The following CALN1 variants were observed in gnomAD, a reference collection of about 807,000 sequenced individuals.
CALN1 encodes the protein calneuron 1, also known as calcium-binding protein 8.
CALN1 carries 17 observed loss-of-function variants against 30.6 expected under a neutral mutation model. The observed-to-expected ratio is 0.56, with a 90% confidence interval of 0.38 to 0.83. CALN1 has a LOEUF of 0.83. Among genes scored for constraint, CALN1 ranks in the 40% least tolerant of loss-of-function variants. The probability of loss-of-function intolerance (pLI) is 0.00; values close to 1 mark genes in which losing one functional copy is unlikely to be tolerated. For missense variants in CALN1, 291 were observed against 354.9 expected, an observed-to-expected ratio of 0.82 and a Z score of 1.45; for synonymous variants, 156 against 131.4, an observed-to-expected ratio of 1.19 and a Z score of -1.28.
chr7:72,157,473 G>A (rs865862279), intron 3 of CALN1, among the ~76,000 whole-genome samples: 7 of 152,120 alleles, frequency 4.6e-5, no homozygotes, highest in South Asian at 2.1e-4. Flanking sequence ...AGAAAGGTCC[G>A]GAAAGTTTCC....
At chr7:71,980,194 T>G (rs925298929) in intron 5 of CALN1, among the ~76,000 whole-genome samples, 2 of 148,802 alleles carry the variant, frequency 1.3e-5, no homozygotes, top group Non-Finnish European at 3.0e-5. Flanking sequence ...TTTCTTTTTT[T>G]TTTTTTTTTT....
intron 5 of CALN1, among the ~76,000 whole-genome samples, chr7:71,859,070 T>C (rs1389787579): frequency 6.6e-6 from 1 of 152,150 alleles, no homozygotes; most frequent in African/African-American, 2.4e-5. Context: ...TATGTTTGTT[T>C]GTTTGTTTTT....
the CALN1 span, among the ~76,000 whole-genome samples, chr7:72,478,398 TA>T: frequency 6.2e-5 from 9 of 144,484 alleles, no homozygotes; most frequent in Admixed American, 4.1e-4. Context: ...TAGAAATATA[TA>T]TATATTTTTT....
At chr7:72,056,651 C>G (rs1355022990) in intron 4 of CALN1, among the ~76,000 whole-genome samples, 2 of 152,124 alleles carry the variant, frequency 1.3e-5, no homozygotes, top group Non-Finnish European at 2.9e-5. Flanking sequence ...TGCTAACATA[C>G]TCTGCATGTT....
intron 3 of CALN1, among the ~76,000 whole-genome samples, chr7:72,200,520 T>G (rs1791343787): frequency 2.6e-5 from 4 of 152,130 alleles, no homozygotes. Context: ...ACTGTGTGGA[T>G]GAACAAACTG....
intron 4 of CALN1, among the ~76,000 whole-genome samples, chr7:72,062,650 G>A (rs1803747103): frequency 6.6e-6 from 1 of 151,944 alleles, no homozygotes; most frequent in Non-Finnish European, 1.5e-5. Flanking sequence ...ATGTTCTATG[G>A]TTGAAAACAA....
intron 4 of CALN1, among the ~76,000 whole-genome samples, chr7:72,096,336 ACTC>A (rs1271025944): frequency 5.9e-5 from 9 of 151,718 alleles, no homozygotes; most frequent in South Asian, 2.1e-4. Flanking sequence ...CAAGGGAAAA[ACTC>A]CTCATCATCT....
At chr7:72,204,128 A>G (rs1441265998) in intron 3 of CALN1, among the ~76,000 whole-genome samples, 2 of 150,376 alleles carry the variant, frequency 1.3e-5, no homozygotes, top group African/African-American at 4.9e-5. Flanking sequence ...AGCTGGGACT[A>G]CAGGCACCTG....
Position 72,256,677 on chromosome 7 carries a change from G to A in CALN1, c.244+22009C>T, listed in dbSNP as rs560819327. Among the ~76,000 whole-genome samples, 8 of 151,896 alleles carry A rather than the reference G, an allele frequency of 5.3e-5. No homozygotes were observed. In the East Asian group the frequency reaches 1.4e-3, roughly 26 times the overall value. On this transcript the variant is annotated intron_variant, in intron 3 of 6. Coordinates refer to ENST00000395275, the MANE Select transcript of CALN1 (RefSeq NM_031468.4). ...GCTGGAACACAATGGCACCATCATA[G>A]CTCACTGCAGCCTCAAACTCCTGGG...
At chr7:71,803,940 A>G (rs1382815234) in intron 6 of CALN1, among the ~76,000 whole-genome samples, 2 of 64,172 alleles carry the variant, frequency 3.1e-5, no homozygotes, top group East Asian at 4.9e-4. Flanking sequence ...GTATTTGTGT[A>G]TGTGTGTGCG....
At chr7:72,377,940 T>TA (rs1403571938) in intron 2 of CALN1, among the ~76,000 whole-genome samples, 10 of 152,022 alleles carry the variant, frequency 6.6e-5, no homozygotes, top group African/African-American at 2.4e-4. Context: ...CCCAGGAATA[T>TA]ATTGGAGTTT....
chr7:72,134,875 CT>C, intron 3 of CALN1, among the ~76,000 whole-genome samples: 1 of 152,306 alleles, frequency 6.6e-6, no homozygotes, highest in Middle Eastern at 3.4e-3. Flanking sequence ...GGAGTCAATC[CT>C]TTTAAGCCTT....
At chr7:72,247,918 A>T (rs1230450284) in intron 3 of CALN1, among the ~76,000 whole-genome samples, 2 of 152,136 alleles carry the variant, frequency 1.3e-5, no homozygotes, top group Non-Finnish European at 2.9e-5. Context: ...GGATGGCTTG[A>T]GCCGGGAGTT....
upstream of CALN1, among the ~76,000 whole-genome samples, chr7:72,415,295 G>T (rs1280261780): frequency 6.6e-6 from 1 of 152,226 alleles, no homozygotes; most frequent in Non-Finnish European, 1.5e-5. Context: ...CACTCCAGAT[G>T]CACCTGTATT....
intron 3 of CALN1, among the ~76,000 whole-genome samples, chr7:72,261,061 A>T (rs1305671753): frequency 6.6e-6 from 1 of 152,188 alleles, no homozygotes; most frequent in Non-Finnish European, 1.5e-5. Flanking sequence ...TAATCCCAGC[A>T]CTTTGAGAGG....
chr7:72,290,704 T>G (rs1371370212), intron 2 of CALN1, among the ~76,000 whole-genome samples: 1 of 152,222 alleles, frequency 6.6e-6, no homozygotes, highest in African/African-American at 2.4e-5. Context: ...TACCTCTCTG[T>G]GTATCTTAGA....
chr7:72,307,077 C>T (rs982746641), intron 2 of CALN1, among the ~76,000 whole-genome samples: 1 of 152,142 alleles, frequency 6.6e-6, no homozygotes, highest in African/African-American at 2.4e-5. Context: ...GGCAGGGGCC[C>T]TAGCCAGACT....
At position 72,254,911 on chromosome 7, in the gene CALN1, C is replaced by T. The variant is rs539924779; in HGVS notation, c.244+23775G>A. On this transcript the variant is annotated intron_variant, in intron 3 of 6. Transcript: ENST00000395275. The stretch of plus-strand genomic sequence containing the variant: ...CCTCCCAAGAAGCTGGGATTACAGG[C>T]TTGCACCACCACGCCCAGCTAATTA... Among the ~76,000 whole-genome samples, 135 of 152,072 alleles carry T rather than the reference C, an allele frequency of 8.9e-4. 1 individual carries two copies. The highest frequency in any genetic ancestry group is 3.1e-3 in the African/African-American group (129 of 41,474).
chr7:72,063,608 G>C (rs763048720), intron 4 of CALN1, among the ~76,000 whole-genome samples: 2 of 152,146 alleles, frequency 1.3e-5, no homozygotes, highest in African/African-American at 2.4e-5. Context: ...ATCATTCCAT[G>C]TACTGGCAGC....
Sources: gnomAD v4.1 joint callset for allele counts (sites outside exome capture counted in the v4.1 genomes callset) on GRCh38, gnomAD v4.1.1 for gene constraint, MANE v1.5 for transcripts, NCBI Gene and HGNC (gene_info 2026-07-23, HGNC 2026-07-21) for gene names.